Variants in HIVEP3 observed in about 807,000 individuals in gnomAD.
HIVEP3 encodes the protein HIVEP zinc finger 3.
HIVEP3 carries 49 observed loss-of-function variants against 152.8 expected under a neutral mutation model. That is an observed-to-expected ratio of 0.32 (90% CI 0.26 to 0.41). The LOEUF (loss-of-function observed/expected upper bound fraction) is 0.41. Among genes scored for constraint, HIVEP3 ranks in the 10% least tolerant of loss-of-function variants. The pLI, the probability that HIVEP3 is intolerant of heterozygous loss-of-function variation, is 1.00. For synonymous variants in HIVEP3, 1,269 were observed against 1,289.0 expected, an observed-to-expected ratio of 0.98 and a Z score of 0.33; for missense variants, 2,790 against 3,103.3, an observed-to-expected ratio of 0.90 and a Z score of 2.40.
intron 1 of HIVEP3, among the ~76,000 whole-genome samples, chr1:41,796,042 CG>C (rs1205587124): frequency 6.6e-6 from 1 of 152,114 alleles, no homozygotes; most frequent in Non-Finnish European, 1.5e-5. Flanking sequence ...GCTCTTTCAG[CG>C]GACAGAACTG....
At chr1:41,552,585 T>C (rs992991777) in intron 5 of HIVEP3, among the ~76,000 whole-genome samples, 22 of 147,032 alleles carry the variant, frequency 1.5e-4, no homozygotes, top group African/African-American at 4.6e-4. Context: ...CCATAGTGTA[T>C]ATGTGCCACA....
intron 5 of HIVEP3, among the ~76,000 whole-genome samples, chr1:41,541,364 T>G (rs1374959124): frequency 2.0e-5 from 3 of 152,220 alleles, no homozygotes; most frequent in Non-Finnish European, 4.4e-5. Flanking sequence ...TATTTAGGGA[T>G]GCCTGTTGTG....
chr1:41,799,152 C>T (rs757303207), intron 1 of HIVEP3, among the ~76,000 whole-genome samples: 1 of 152,152 alleles, frequency 6.6e-6, no homozygotes, highest in Non-Finnish European at 1.5e-5. Flanking sequence ...ATCTTTTATT[C>T]AAAGAACATC....
At chr1:41,865,296 G>A (rs541437318) in intron 1 of HIVEP3, among the ~76,000 whole-genome samples, 1 of 152,306 alleles carries the variant, frequency 6.6e-6, no homozygotes, top group East Asian at 1.9e-4. Flanking sequence ...CTACCAAGGG[G>A]CATCACCAAT....
rs1418773848 is a variant in HIVEP3 at position 41,662,921 on chromosome 1, C to T, written c.-720-33974G>A. Among the ~76,000 whole-genome samples the T allele has an allele frequency of 6.6e-6, 1 of 152,198 alleles. No homozygotes were observed. On this transcript the variant is annotated intron_variant, in intron 2 of 8. Coordinates refer to ENST00000372583, the MANE Select transcript of HIVEP3 (RefSeq NM_024503.5). This position sits in a 1 kb window ranked among gnomAD's most constrained non-coding sequence, Gnocchi z 7.2. Reference sequence around the variant, plus strand: ...GCCGGGCTCCGGGAAGCCCGCGCCTCCCCAGGCGGGAATCCGCTTTAATGA... The same window carrying T: ...GCCGGGCTCCGGGAAGCCCGCGCCTTCCCAGGCGGGAATCCGCTTTAATGA...
At position 41,575,537 on chromosome 1, in the gene HIVEP3, G is replaced by T; in HGVS notation, c.5207+7C>A. ...AGCAGACGATGGAAACCAAACATGA[G>T]TCTTACCCTCCTTCGAAGATTTTGA... On this transcript the variant is annotated splice_region_variant and intron_variant, in intron 5 of 8. Transcript: ENST00000372583. The T allele has an allele frequency of 6.2e-7, 1 of 1,613,788 alleles. No homozygotes were observed.
Position 41,583,546 on chromosome 1 carries a change from T to C in HIVEP3, c.1252A>G (p.Ile418Val), listed in dbSNP as rs1195275137. Residue 418 changes from isoleucine (I) to valine (V), a missense_variant, in exon 4 of 9, where the codon ATC becomes GTC. By Grantham distance (29) the Ile-to-Val change is conservative. Coordinates refer to ENST00000372583, the MANE Select transcript of HIVEP3 (RefSeq NM_024503.5). The surrounding 1 kb of genome is among the most constrained non-coding windows in gnomAD (Gnocchi z 6.9). ...NTNAKSYAEI[I>V]FGKCGRIGQR... ...CCTATTCGCCCACACTTGCCAAAGA[T>C]GATCTCAGCGTAGGACTTGGCGTTG... 6.2e-7 allele frequency: 1 copy of C among 1,614,024 alleles called. No homozygotes were observed. The highest frequency in any genetic ancestry group is 8.5e-7 in the Non-Finnish European group (1 of 1,179,936).
At chr1:41,753,644 G>C (rs1348361416) in intron 1 of HIVEP3, among the ~76,000 whole-genome samples, 1 of 150,256 alleles carries the variant, frequency 6.7e-6, no homozygotes, top group Non-Finnish European at 1.5e-5. Context: ...CTCCAGCCTG[G>C]GACACAGGAG....
intron 1 of HIVEP3, among the ~76,000 whole-genome samples, chr1:41,758,939 C>G (rs992128600): frequency 6.6e-6 from 1 of 152,014 alleles, no homozygotes. Flanking sequence ...TTTAAATTGT[C>G]GTAAAAGATA....
intron 1 of HIVEP3, among the ~76,000 whole-genome samples, chr1:41,751,575 GC>G (rs1044265663): frequency 1.3e-4 from 20 of 152,068 alleles, no homozygotes; most frequent in African/African-American, 4.8e-4. Context: ...ATCACATGAG[GC>G]CCCACCTGCA....
At chr1:41,692,373 T>A (rs879777098) in intron 2 of HIVEP3, among the ~76,000 whole-genome samples, 2 of 152,238 alleles carry the variant, frequency 1.3e-5, no homozygotes, top group African/African-American at 4.8e-5. Context: ...GGGGAGCTAC[T>A]GTGTGCCTTA....
At chr1:41,843,045 T>C (rs568066432) in intron 1 of HIVEP3, among the ~76,000 whole-genome samples, 176 of 152,320 alleles carry the variant, frequency 1.2e-3, no homozygotes, top group African/African-American at 3.7e-3. Flanking sequence ...GAATGCAGGA[T>C]GCAGGCCCTC....
At chr1:41,548,861 CATT>C (rs1643865221) in intron 5 of HIVEP3, among the ~76,000 whole-genome samples, 2 of 151,980 alleles carry the variant, frequency 1.3e-5, no homozygotes, top group African/African-American at 4.8e-5. Context: ...TTTTCCAACT[CATT>C]ATTTTATTTT....
intron 2 of HIVEP3, among the ~76,000 whole-genome samples, chr1:41,660,129 G>A (rs1645690985): frequency 6.6e-6 from 1 of 152,190 alleles, no homozygotes; most frequent in Non-Finnish European, 1.5e-5. Context: ...GTGTGCACGT[G>A]TAGGAACAAA....
intron 1 of HIVEP3, among the ~76,000 whole-genome samples, chr1:41,729,844 T>C (rs1027920495): frequency 3.3e-5 from 5 of 152,170 alleles, no homozygotes; most frequent in African/African-American, 1.2e-4. Flanking sequence ...GGTGCGTTCT[T>C]GCTCTCGACA....
intron 2 of HIVEP3, among the ~76,000 whole-genome samples, chr1:41,693,743 G>A (rs1035201993): frequency 1.7e-4 from 26 of 152,208 alleles, no homozygotes; most frequent in South Asian, 4.2e-4. Flanking sequence ...ATATTCCCTC[G>A]TTGTCTTTCT....
rs368790403 is a variant in HIVEP3, at chr1:41,997,966, C to T, written n.119+37841G>A. Among the ~76,000 whole-genome samples the T allele has an allele frequency of 1.3e-4, 20 of 152,196 alleles. No individual in the cohort carries two copies. In the East Asian group the frequency reaches 2.7e-3, roughly 21 times the overall value. Reference sequence around the variant, plus strand: ...GTGTTAAATATCAAACTGTGCTAAACGATTGATTCCATACAGCTGCTAAAT... The same window carrying T: ...GTGTTAAATATCAAACTGTGCTAAATGATTGATTCCATACAGCTGCTAAAT... On this transcript the variant is annotated intron_variant and non_coding_transcript_variant, in intron 1 of 3. Coordinates refer to the HIVEP3 transcript ENST00000489103.
At chr1:41,980,456 ACTAC>A (rs1645288057) in intron 1 of HIVEP3, among the ~76,000 whole-genome samples, 3 of 152,196 alleles carry the variant, frequency 2.0e-5, no homozygotes, top group Admixed American at 6.5e-5. Flanking sequence ...AGACACAAAG[ACTAC>A]CTATTATATG....
chr1:41,935,077 G>A (rs187972528), intron 1 of HIVEP3, among the ~76,000 whole-genome samples: 1 of 152,138 alleles, frequency 6.6e-6, no homozygotes, highest in Non-Finnish European at 1.5e-5. Flanking sequence ...GGTAAGTCTT[G>A]TCATTAATCA....
Sources: gnomAD v4.1 joint callset for allele counts (sites outside exome capture counted in the v4.1 genomes callset) on GRCh38, gnomAD v4.1.1 for gene constraint, Gnocchi (gnomAD v3.1) non-coding constraint, MANE v1.5 for transcripts, NCBI Gene and HGNC (gene_info 2026-07-23, HGNC 2026-07-21) for gene names.